CNTN4: variants seen among roughly 807,000 people sequenced by gnomAD.
CNTN4 encodes the protein contactin-4.
In CNTN4, 77 loss-of-function variants were observed where a neutral mutation model predicts 122.5. The ratio of observed to expected loss-of-function variants is 0.63; its 90% CI spans 0.52 to 0.76. CNTN4 has a LOEUF of 0.76. Ranked by LOEUF, CNTN4 falls within the 30% of genes least tolerant of loss-of-function variation. The pLI, the probability that CNTN4 is intolerant of heterozygous loss-of-function variation, is 0.00. For synonymous variants in CNTN4, 512 were observed against 447.0 expected, an observed-to-expected ratio of 1.15 and a Z score of -1.83; for missense variants, 1,256 against 1,259.1, an observed-to-expected ratio of 1.00 and a Z score of 0.04.
intron 4 of CNTN4, among the ~76,000 whole-genome samples, chr3:2,680,437 A>T (rs1054872623): frequency 1.3e-5 from 2 of 152,212 alleles, no homozygotes; most frequent in African/African-American, 2.4e-5. Flanking sequence ...GCTCGGATAC[A>T]GTGAGGCAGG....
chr3:2,625,903 A>C (rs1351985841), intron 4 of CNTN4, among the ~76,000 whole-genome samples: 1 of 152,214 alleles, frequency 6.6e-6, no homozygotes, highest in African/African-American at 2.4e-5. Flanking sequence ...TTTTGTTGTT[A>C]CATTTGTTCT....
At chr3:2,350,186 G>C (rs1280541792) in intron 3 of CNTN4, among the ~76,000 whole-genome samples, 2 of 152,162 alleles carry the variant, frequency 1.3e-5, no homozygotes, top group Non-Finnish European at 2.9e-5. Flanking sequence ...TAAAAGGAGA[G>C]CCATAGTCAC....
chr3:2,916,823 GAC>G (rs2094365326), intron 12 of CNTN4, among the ~76,000 whole-genome samples: 2 of 150,930 alleles, frequency 1.3e-5, no homozygotes, highest in Non-Finnish European at 2.9e-5. Context: ...GCCGGGTGGA[GAC>G]GCTCCTCAGT....
At chr3:2,884,515 A>T (rs1023199291) in intron 9 of CNTN4, among the ~76,000 whole-genome samples, 1 of 152,246 alleles carries the variant, frequency 6.6e-6, no homozygotes. Context: ...CTCTACAGAC[A>T]TTAAAAGTCA....
intron 3 of CNTN4, chr3:2,511,399 T>G (rs1248367455): frequency 6.6e-6 from 1 of 152,236 alleles, no homozygotes; most frequent in Non-Finnish European, 1.5e-5. Context: ...TCTCCCAGTG[T>G]GCGTCTTTGA....
chr3:2,614,457 C>A (rs907971409), intron 4 of CNTN4, among the ~76,000 whole-genome samples: 1 of 152,078 alleles, frequency 6.6e-6, no homozygotes, highest in Non-Finnish European at 1.5e-5. Context: ...GGAACAGTAT[C>A]ATAGGGAAAC....
At position 2,841,279 on chromosome 3, in the gene CNTN4, A is replaced by G. The variant is rs1449409462; in HGVS notation, c.454+21698A>G. Among the ~76,000 whole-genome samples the G allele has an allele frequency of 6.6e-6, 1 of 152,170 alleles. No individual in the cohort carries two copies. ...TTCAGATGTGTTAATATATAGTGCA[A>G]AGTTTCCAATGTAGTTAGAGTTACT... On this transcript the variant is annotated intron_variant, in intron 7 of 24. Coordinates refer to ENST00000418658, the MANE Select transcript of CNTN4 (RefSeq NM_175607.3). This position sits in a 1 kb window ranked among gnomAD's most constrained non-coding sequence, Gnocchi z 4.8.
intron 12 of CNTN4, among the ~76,000 whole-genome samples, chr3:2,920,733 A>T (rs6767938): frequency 0.56 from 85,092 of 151,904 alleles, 23,861 homozygotes; most frequent in East Asian, 0.69. Context: ...TACTGTGCTA[A>T]GTACTTTATG....
chr3:2,711,822 G>C (rs933945060), intron 4 of CNTN4, among the ~76,000 whole-genome samples: 2 of 152,136 alleles, frequency 1.3e-5, no homozygotes, highest in Non-Finnish European at 2.9e-5. Flanking sequence ...CTATAATAAA[G>C]TCTCAAAGAC....
intron 2 of CNTN4, among the ~76,000 whole-genome samples, chr3:2,166,307 A>T (rs1368769956): frequency 1.3e-5 from 2 of 152,066 alleles, no homozygotes; most frequent in African/African-American, 4.8e-5. Flanking sequence ...TTTGGTTATT[A>T]TCTATTATTT....
intron 6 of CNTN4, among the ~76,000 whole-genome samples, chr3:2,795,963 A>C (rs543108951): frequency 6.6e-6 from 1 of 152,328 alleles, no homozygotes; most frequent in African/African-American, 2.4e-5. Context: ...ATGATTGCAG[A>C]AGGTGTAAAT....
chr3:2,968,965 A>G (rs1159561750), intron 13 of CNTN4, among the ~76,000 whole-genome samples: 1 of 152,228 alleles, frequency 6.6e-6, no homozygotes, highest in Non-Finnish European at 1.5e-5. Flanking sequence ...CATTTTTGAC[A>G]ACTTTATTGA....
At chr3:2,777,135 C>T (rs894170390) in intron 6 of CNTN4, among the ~76,000 whole-genome samples, 2 of 152,174 alleles carry the variant, frequency 1.3e-5, no homozygotes, top group African/African-American at 4.8e-5. Flanking sequence ...CGCCCACCAC[C>T]ACGCCCAGCT....
intron 4 of CNTN4, among the ~76,000 whole-genome samples, chr3:2,588,136 C>T (rs2080291166): frequency 6.6e-6 from 1 of 151,758 alleles, no homozygotes; most frequent in Non-Finnish European, 1.5e-5. Flanking sequence ...AAAAAGTAGC[C>T]GTAAAGATAA....
At chr3:2,177,869 C>G (rs1481627482) in intron 2 of CNTN4, among the ~76,000 whole-genome samples, 1 of 151,998 alleles carries the variant, frequency 6.6e-6, no homozygotes, top group Admixed American at 6.6e-5. Context: ...ACAACTGGGC[C>G]CCAGAGCCTA....
Position 2,448,018 on chromosome 3 carries a change from G to A in CNTN4, c.-89+108785G>A, listed in dbSNP as rs115143904. The stretch of plus-strand genomic sequence containing the variant: ...ACAAAAGCAAATGCCCTTAGCTACT[G>A]TGATATACTTCTCCTACAGTAATTA... On this transcript the variant is annotated intron_variant, in intron 3 of 24. Transcript: ENST00000418658. Among the ~76,000 whole-genome samples, 573 of 152,308 alleles carry A rather than the reference G, an allele frequency of 3.8e-3. 4 individuals are homozygous for A. The highest frequency in any genetic ancestry group is 0.013 in the African/African-American group (560 of 41,560).
chr3:2,587,217 C>G (rs2080242675), intron 4 of CNTN4, among the ~76,000 whole-genome samples: 1 of 152,156 alleles, frequency 6.6e-6, no homozygotes, highest in South Asian at 2.1e-4. Flanking sequence ...ACACACCACT[C>G]TCAGGGGAAT....
chr3:2,894,790 C>T (rs1016322403), intron 10 of CNTN4, among the ~76,000 whole-genome samples: 11 of 152,098 alleles, frequency 7.2e-5, no homozygotes, highest in Non-Finnish European at 7.4e-5. Flanking sequence ...CTGAGTAAAT[C>T]GGGCCCAACA....
rs1384575998 is a variant in CNTN4 at position 2,103,500 on chromosome 3, C to G, written c.-145+2861C>G. Among the ~76,000 whole-genome samples, 5 of 152,282 alleles carry G rather than the reference C, an allele frequency of 3.3e-5. 1 individual carries two copies. The highest frequency in any genetic ancestry group is 2.1e-4 in the South Asian group (1 of 4,820). ...GAATTATAACCTTCCTCTGAAGATT[C>G]TATTGTGGGAGTCTTGCGCTACCAC... On this transcript the variant is annotated intron_variant, in intron 2 of 24. Transcript: ENST00000418658.
Sources: allele counts gnomAD v4.1 joint callset (sites outside exome capture counted in the v4.1 genomes callset), GRCh38; gene constraint gnomAD v4.1.1; non-coding constraint Gnocchi (gnomAD v3.1); transcripts MANE v1.5; gene names NCBI Gene and HGNC (gene_info 2026-07-23, HGNC 2026-07-21).